Variants in SHLD1 observed in about 807,000 individuals in gnomAD.
The protein encoded by SHLD1 is RINN1-REV7-interacting novel NHEJ regulator 3.
A neutral mutation model predicts 5.5 loss-of-function variants in SHLD1; 3 were observed. That is an observed-to-expected ratio of 0.54 (90% CI 0.25 to 1.40). The LOEUF (loss-of-function observed/expected upper bound fraction) is 1.40, where lower values mean the gene tolerates loss of function less well. Among genes scored for constraint, SHLD1 ranks in the 40% most tolerant of loss-of-function variants. SHLD1 has a pLI of 0.15. For synonymous variants in SHLD1, 92 were observed against 94.3 expected (o/e 0.98, Z 0.14); for missense variants, 210 against 244.4 (o/e 0.86, Z 0.94).
At chr20:5,766,256 T>C (rs555041112) in intron 1 of SHLD1, among the ~76,000 whole-genome samples, 1 of 152,134 alleles carries the variant, frequency 6.6e-6, no homozygotes, top group Non-Finnish European at 1.5e-5. Context: ...TTGGCTAATA[T>C]AGAACCTGTG....
At position 5,863,791 on chromosome 20, in the gene SHLD1, G is replaced by T; in HGVS notation, c.*328G>T. The stretch of plus-strand genomic sequence containing the variant: ...TCTAGCACTCCCTTTCCTCTAGATC[G>T]GCCTGAGGCTGGGACATTACATGAA... On this transcript the variant is annotated 3_prime_UTR_variant, in exon 3 of 3. Coordinates refer to ENST00000303142, the MANE Select transcript of SHLD1 (RefSeq NM_152504.4). 4.2e-6 allele frequency: 1 copy of T among 237,694 alleles called. No homozygotes were observed. Among genetic ancestry groups the T allele is most frequent in the Non-Finnish European group, 8.1e-6 (1 of 124,078 alleles). 14.7% of individuals were successfully genotyped at this position (237,694 alleles called of 1,614,324 possible).
At chr20:5,771,992 T>C (rs1279200310) in intron 1 of SHLD1, 2 of 436,280 alleles carry the variant, frequency 4.6e-6, no homozygotes, top group Admixed American at 2.5e-5. Flanking sequence ...CTCTTGCCTC[T>C]GACTCCCAAG....
chr20:5,759,989 T>TAC (rs74281801), intron 1 of SHLD1, among the ~76,000 whole-genome samples: 83,770 of 150,388 alleles, frequency 0.56, 23,444 homozygotes, highest in East Asian at 0.78. Context: ...TGTATTTTTA[T>TAC]ACACACACAC....
intron 2 of SHLD1, among the ~76,000 whole-genome samples, chr20:5,775,945 T>TTTTTTTTTTTTTTTTTTTTTG (rs1985408089): frequency 7.0e-6 from 1 of 143,600 alleles, no homozygotes. Flanking sequence ...TTTTTTTTTT[T>TTTTTTTTTTTTTTTTTTTTTG]GAGATGGAGT....
intron 2 of SHLD1, among the ~76,000 whole-genome samples, chr20:5,854,872 C>CTTTTTT (rs55776293): frequency 3.1e-5 from 4 of 130,034 alleles, no homozygotes; most frequent in African/African-American, 6.5e-5. Flanking sequence ...CTCTATGACT[C>CTTTTTT]TTTTTTTTTT....
chr20:5,823,505 TGAC>T (rs2087631842), intron 2 of SHLD1, among the ~76,000 whole-genome samples: 2 of 151,658 alleles, frequency 1.3e-5, no homozygotes, highest in East Asian at 3.9e-4. Context: ...CGGAGTGTAA[TGAC>T]GCGATCTCAG....
At chr20:5,761,677 G>A (rs1984473402) in intron 1 of SHLD1, among the ~76,000 whole-genome samples, 1 of 148,776 alleles carries the variant, frequency 6.7e-6, no homozygotes, top group Non-Finnish European at 1.5e-5. Context: ...GTGTGATATC[G>A]GCTCACTGCA....
chr20:5,834,891 G>A (rs1357029247), intron 2 of SHLD1, among the ~76,000 whole-genome samples: 1 of 152,182 alleles, frequency 6.6e-6, no homozygotes, highest in African/African-American at 2.4e-5. Context: ...GGAAGGGGCA[G>A]GGGGGCTTTC....
chr20:5,817,394 T>TTCTCTC (rs144955343), intron 2 of SHLD1, among the ~76,000 whole-genome samples: 1,240 of 75,454 alleles, frequency 0.016, 9 homozygotes, highest in South Asian at 0.03. Flanking sequence ...ACGGGATATT[T>TTCTCTC]TCTCTCTCTC....
At chr20:5,816,611 A>C (rs930728566) in intron 2 of SHLD1, among the ~76,000 whole-genome samples, 8 of 152,208 alleles carry the variant, frequency 5.3e-5, no homozygotes, top group African/African-American at 1.9e-4. Context: ...CAGGACGAGA[A>C]CTGGAAGTTG....
chr20:5,851,089 A>C (rs563950379), intron 2 of SHLD1, among the ~76,000 whole-genome samples: 1 of 152,330 alleles, frequency 6.6e-6, no homozygotes, highest in African/African-American at 2.4e-5. Context: ...AGCACAGCAC[A>C]AATCAACATG....
At chr20:5,777,607 T>A (rs918784522) in intron 2 of SHLD1, among the ~76,000 whole-genome samples, 4 of 151,450 alleles carry the variant, frequency 2.6e-5, no homozygotes, top group Non-Finnish European at 5.9e-5. Context: ...TTTTATTTTT[T>A]TTTTTTGTTT....
rs115321590 is a variant in SHLD1 at position 5,804,725 on chromosome 20, T to C, written c.178+31682T>C. 1.3e-3 allele frequency among the ~76,000 whole-genome samples: 201 copies of C among 152,346 alleles called. 1 individual carries two copies. Among genetic ancestry groups the C allele is most frequent in the African/African-American group, 4.6e-3 (192 of 41,580 alleles). On this transcript the variant is annotated intron_variant, in intron 2 of 2. Coordinates refer to ENST00000303142, the MANE Select transcript of SHLD1 (RefSeq NM_152504.4). ...TTATGCCTGTGCATCAAACAAAAGT[T>C]TGCATGAAGAAGGAGCCTCTTGTTC...
At chr20:5,780,724 G>C (rs995437434) in intron 2 of SHLD1, among the ~76,000 whole-genome samples, 1 of 152,150 alleles carries the variant, frequency 6.6e-6, no homozygotes, top group Non-Finnish European at 1.5e-5. Context: ...CTTTTTGAAG[G>C]GGCTGCCTGC....
chr20:5,782,064 C>G (rs997224920), intron 2 of SHLD1, among the ~76,000 whole-genome samples: 4 of 152,158 alleles, frequency 2.6e-5, no homozygotes, highest in African/African-American at 9.6e-5. Flanking sequence ...GTTCCCCTCT[C>G]TGGAATGTGC....
At chr20:5,760,646 T>G (rs1215109026) in intron 1 of SHLD1, among the ~76,000 whole-genome samples, 1 of 151,328 alleles carries the variant, frequency 6.6e-6, no homozygotes, top group Non-Finnish European at 1.5e-5. Context: ...TGAGCCGAGA[T>G]CATGCCACTG....
At chr20:5,807,114 G>A (rs1331175377) in intron 2 of SHLD1, among the ~76,000 whole-genome samples, 2 of 152,170 alleles carry the variant, frequency 1.3e-5, no homozygotes, top group Non-Finnish European at 2.9e-5. Context: ...CTTGTGCTGG[G>A]CTGAGGGCAG....
intron 2 of SHLD1, among the ~76,000 whole-genome samples, chr20:5,854,884 TAA>T: frequency 2.0e-5 from 3 of 150,584 alleles, no homozygotes; most frequent in African/African-American, 7.4e-5. Context: ...TTTTTTTTTT[TAA>T]GAGACAGGTC....
intron 2 of SHLD1, among the ~76,000 whole-genome samples, chr20:5,860,006 C>T (rs1006230385): frequency 4.6e-5 from 7 of 152,292 alleles, no homozygotes; most frequent in Admixed American, 2.6e-4. Flanking sequence ...TTCTATTGTA[C>T]GTGGACAGTT....
Sources: gnomAD v4.1 joint callset for allele counts (sites outside exome capture counted in the v4.1 genomes callset) on GRCh38, gnomAD v4.1.1 for gene constraint, MANE v1.5 for transcripts, NCBI Gene and HGNC (gene_info 2026-07-23, HGNC 2026-07-21) for gene names.